The following BMPER variants were observed in gnomAD, a reference collection of about 807,000 sequenced individuals.
The protein encoded by BMPER is BMP binding endothelial regulator.
BMPER carries 45 observed loss-of-function variants against 87.3 expected under a neutral mutation model. The ratio of observed to expected loss-of-function variants is 0.52; its 90% CI spans 0.41 to 0.66. The LOEUF is 0.66. Among genes scored for constraint, BMPER ranks in the 30% least tolerant of loss-of-function variants. The probability of loss-of-function intolerance (pLI) is 0.00; values close to 1 mark genes in which losing one functional copy is unlikely to be tolerated. For missense variants in BMPER, 784 were observed against 867.5 expected, an observed-to-expected ratio of 0.90 and a Z score of 1.21; for synonymous variants, 326 against 316.2, an observed-to-expected ratio of 1.03 and a Z score of -0.33.
At chr7:33,927,463 C>T (rs532942423) in intron 2 of BMPER, among the ~76,000 whole-genome samples, 9 of 152,288 alleles carry the variant, frequency 5.9e-5, no homozygotes, top group Non-Finnish European at 1.2e-4. Context: ...TACATGCTCA[C>T]TCTTCTTCTA....
At position 33,946,014 on chromosome 7, in the gene BMPER, A is replaced by G. The variant is rs1784885891; in HGVS notation, c.319+8626A>G. On this transcript the variant is annotated intron_variant, in intron 3 of 14. Transcript: ENST00000649409. ...GGAAGGTGTTTTAGTCCTTTCCCAC[A>G]TTGCTATAAGGAAATACCCAAGACT... Among the ~76,000 whole-genome samples, 3 of 152,176 alleles carry G rather than the reference A, an allele frequency of 2.0e-5. No homozygotes were observed. In the South Asian group the frequency reaches 6.2e-4, roughly 32 times the overall value.
In BMPER at chr7:34,129,594, G is replaced by GAGAGAGAGAA. The variant is rs1562761904; in HGVS notation, c.1746-13627_1746-13626insAAGAGAGAGA. Among the ~76,000 whole-genome samples the GAGAGAGAGAA allele has an allele frequency of 2.1e-4, 24 of 112,594 alleles. No homozygotes were observed. The East Asian group carries it at 3.0e-3, about 14-fold the overall frequency. 73.9% of individuals were successfully genotyped at this position (112,594 alleles called of 152,430 possible). On this transcript the variant is annotated intron_variant, in intron 13 of 14. Transcript: ENST00000649409. ...GGAAGGAAGGAGAGAGAGAGAGAGA[G>GAGAGAGAGAA]AGAGAGAGAGAGAGAAAGAGAGAGA...
chr7:33,992,361 C>T (rs1786247209), intron 6 of BMPER, among the ~76,000 whole-genome samples: 2 of 137,034 alleles, frequency 1.5e-5, no homozygotes, highest in East Asian at 4.4e-4. Context: ...GATCCCTTTA[C>T]CATTATGTAA....
At chr7:34,087,593 T>C (rs1295174573) in intron 13 of BMPER, among the ~76,000 whole-genome samples, 1 of 152,230 alleles carries the variant, frequency 6.6e-6, no homozygotes, top group Non-Finnish European at 1.5e-5. Context: ...TGAACATGAA[T>C]GCATGTGCTT....
In BMPER at chr7:34,047,919, G is replaced by A. The variant is rs373603396; in HGVS notation, c.676+1514G>A. On this transcript the variant is annotated intron_variant, in intron 7 of 14. Coordinates refer to ENST00000649409, the MANE Select transcript of BMPER (RefSeq NM_001365308.1). ...CATCCTGTGATGGAGAGCAGATTTC[G>A]CTGAGGGTTTGCAGTCAATAAGAGT... Among the ~76,000 whole-genome samples, 38 of 151,028 alleles carry A rather than the reference G, an allele frequency of 2.5e-4. No individual in the cohort carries two copies. In the East Asian group the frequency reaches 3.3e-3, roughly 13 times the overall value.
chr7:33,954,939 A>G (rs957812569), intron 3 of BMPER, among the ~76,000 whole-genome samples: 2 of 151,986 alleles, frequency 1.3e-5, no homozygotes, highest in African/African-American at 2.4e-5. Context: ...CTCTTGTTGC[A>G]CAGGCTAGAG....
At chr7:34,014,822 A>C (rs1270450391) in intron 6 of BMPER, among the ~76,000 whole-genome samples, 1 of 152,010 alleles carries the variant, frequency 6.6e-6, no homozygotes, top group Non-Finnish European at 1.5e-5. Flanking sequence ...ACCTTTCATT[A>C]GGAAGAATAG....
intron 13 of BMPER, among the ~76,000 whole-genome samples, chr7:34,099,518 G>A (rs1789620402): frequency 6.6e-6 from 1 of 152,118 alleles, no homozygotes; most frequent in Non-Finnish European, 1.5e-5. Context: ...ATAATATGCT[G>A]TGGTTTATGT....
intron 11 of BMPER, among the ~76,000 whole-genome samples, chr7:34,068,858 G>A (rs1366188202): frequency 2.6e-5 from 4 of 152,168 alleles, no homozygotes; most frequent in Admixed American, 2.6e-4. Flanking sequence ...CACAGGTGAG[G>A]AAACTGAGAC....
At chr7:34,129,739 C>A (rs531769497) in intron 13 of BMPER, among the ~76,000 whole-genome samples, 90 of 152,018 alleles carry the variant, frequency 5.9e-4, no homozygotes, top group African/African-American at 2.1e-3. Context: ...GCCATGAGTC[C>A]CCAAGGGCAT....
chr7:34,121,542 C>T (rs1336101594), intron 13 of BMPER, among the ~76,000 whole-genome samples: 1 of 152,186 alleles, frequency 6.6e-6, no homozygotes, highest in Admixed American at 6.5e-5. Context: ...ACTCACTTTT[C>T]TCCTTGACCT....
At chr7:33,965,920 A>C (rs1487743763) in intron 3 of BMPER, among the ~76,000 whole-genome samples, 1 of 152,256 alleles carries the variant, frequency 6.6e-6, no homozygotes, top group East Asian at 1.9e-4. Context: ...ACCTAAAAGT[A>C]ATATAAAAAG....
At chr7:34,153,065 A>G in intron 14 of BMPER, 27 bp from the exon 15 acceptor site, 1 of 1,613,624 alleles carries the variant, frequency 6.2e-7, no homozygotes, top group Non-Finnish European at 8.5e-7. Context: ...TCTCCATGTT[A>G]TGCCTTTGTC....
intron 6 of BMPER, among the ~76,000 whole-genome samples, chr7:33,991,735 C>T (rs1239285203): frequency 6.7e-6 from 1 of 149,644 alleles, no homozygotes. Context: ...ATCTTTCCTG[C>T]CTTCTCTTGT....
chr7:34,030,441 T>C (rs1164186796), intron 6 of BMPER, among the ~76,000 whole-genome samples: 2 of 152,104 alleles, frequency 1.3e-5, no homozygotes, highest in East Asian at 1.9e-4. Flanking sequence ...GGAATATCCA[T>C]ATTTGTTAAA....
In BMPER at chr7:33,906,863, C is replaced by T. The variant is rs1008184734; in HGVS notation, c.179C>T (p.Pro60Leu). ...CENEGEVLQI[P>L]FITDNPCIMC... is the part of the protein sequence containing the mutation. Reference sequence around the variant, plus strand: ...AATGAAGGTGAAGTCCTCCAGATTCCATTTATCACAGACAACCCTTGCATA... The same window carrying T: ...AATGAAGGTGAAGTCCTCCAGATTCTATTTATCACAGACAACCCTTGCATA... Residue 60 changes from proline to leucine, a missense_variant, in exon 2 of 15, where the codon CCA becomes CTA. Pro to Leu is a moderately conservative substitution (Grantham distance 98). Transcript: ENST00000649409. 2 of 1,613,742 alleles carry T rather than the reference C, an allele frequency of 1.2e-6. No homozygotes were observed. Among genetic ancestry groups the T allele is most frequent in the Non-Finnish European group, 1.7e-6 (2 of 1,179,906 alleles).
At chr7:33,964,167 A>ATG (rs1785345337) in intron 3 of BMPER, among the ~76,000 whole-genome samples, 2 of 152,188 alleles carry the variant, frequency 1.3e-5, no homozygotes, top group Non-Finnish European at 2.9e-5. Flanking sequence ...ACGTAAACCC[A>ATG]AAGAGTGATG....
chr7:34,153,201 G>A lies in BMPER; in HGVS notation c.1986G>A (p.Gly662=). 3 of 1,614,080 alleles carry A rather than the reference G, an allele frequency of 1.9e-6. No individual in the cohort carries two copies. The highest frequency in any genetic ancestry group is 2.5e-6 in the Non-Finnish European group (3 of 1,179,982). Residue 662 remains glycine, a synonymous_variant, in exon 15 of 15, where the codon GGG becomes GGA. Coordinates refer to ENST00000649409, the MANE Select transcript of BMPER (RefSeq NM_001365308.1). ...CATGCAACAAGCCGTGCGTTGCTGG[G>A]TGCCACTGTCCAGCAAACTTGGTCC... The part of the protein sequence containing the change: ...IGPCNKPCVA[G]CHCPANLVLH...
rs1026180726 is a variant in BMPER at position 34,052,053 on chromosome 7, A to G, written c.786+83A>G. On this transcript the variant is annotated intron_variant, in intron 8 of 14. Coordinates refer to ENST00000649409, the MANE Select transcript of BMPER (RefSeq NM_001365308.1). Reference sequence around the variant, plus strand: ...AACATCACAGCCATAGCCAAAGCCAATGGTGTGTTATTTATTGGGAGGAAG... The same window carrying G: ...AACATCACAGCCATAGCCAAAGCCAGTGGTGTGTTATTTATTGGGAGGAAG... 13 of 1,206,106 alleles carry G rather than the reference A, an allele frequency of 1.1e-5. No individual in the cohort carries two copies. In the African/African-American group the frequency reaches 1.2e-4, roughly 11 times the overall value. The allele number at this position is 1,206,106 out of a possible 1,614,324, so 74.7% of individuals were successfully genotyped here.
Sources: allele counts gnomAD v4.1 joint callset (sites outside exome capture counted in the v4.1 genomes callset), GRCh38; gene constraint gnomAD v4.1.1; transcripts MANE v1.5; gene names NCBI Gene and HGNC (gene_info 2026-07-23, HGNC 2026-07-21).